The following TEX26 variants were observed in gnomAD, a reference collection of about 807,000 sequenced individuals.
TEX26 encodes the protein testis-expressed protein 26.
In TEX26, 34 loss-of-function variants were observed where a neutral mutation model predicts 35.3. That is an observed-to-expected ratio of 0.96 (90% CI 0.73 to 1.28). TEX26 has a LOEUF of 1.28. Ranked by LOEUF, TEX26 falls within the 50% of genes most tolerant of loss-of-function variation. TEX26 has a pLI of 0.00. For synonymous variants in TEX26, 136 were observed against 111.8 expected (o/e 1.22, Z -1.36); for missense variants, 371 against 330.1 (o/e 1.12, Z -0.96).
chr13:30,940,551 T>G (rs1290054722), intron 2 of TEX26, among the ~76,000 whole-genome samples: 1 of 151,876 alleles, frequency 6.6e-6, no homozygotes, highest in Non-Finnish European at 1.5e-5. Flanking sequence ...GCCAGGACGG[T>G]CTTGATCTCC....
At chr13:30,941,935 A>G (rs1333224025) in intron 2 of TEX26, among the ~76,000 whole-genome samples, 1 of 152,118 alleles carries the variant, frequency 6.6e-6, no homozygotes, top group African/African-American at 2.4e-5. Flanking sequence ...GGTTGGTTTT[A>G]TATCTTTAAA....
At chr13:30,946,502 A>G (rs544739003) in intron 2 of TEX26, among the ~76,000 whole-genome samples, 1 of 151,864 alleles carries the variant, frequency 6.6e-6, no homozygotes. Flanking sequence ...TCTTTTGGGG[A>G]TGTTATAGAA....
At chr13:30,973,578 A>C (rs1228090641) in intron 6 of TEX26, 2 of 152,230 alleles carry the variant, frequency 1.3e-5, no homozygotes, top group Non-Finnish European at 2.9e-5. Flanking sequence ...GGATGCTTCA[A>C]AATTAAACAT....
intron 4 of TEX26, among the ~76,000 whole-genome samples, chr13:30,964,008 C>A (rs182680870): frequency 6.6e-6 from 1 of 152,280 alleles, no homozygotes; most frequent in East Asian, 1.9e-4. Flanking sequence ...CCTGCATGCC[C>A]CACCCTTCTG....
chr13:30,949,687 T>G (rs1479300664), intron 2 of TEX26, among the ~76,000 whole-genome samples: 1 of 152,028 alleles, frequency 6.6e-6, no homozygotes, highest in East Asian at 1.9e-4. Context: ...TGTAGCTAAA[T>G]GTATAAGTTG....
intron 4 of TEX26, among the ~76,000 whole-genome samples, chr13:30,958,961 C>G (rs966702114): frequency 6.6e-6 from 1 of 152,118 alleles, no homozygotes; most frequent in African/African-American, 2.4e-5. Context: ...GAAGTTATTA[C>G]CGCCAATCAA....
At chr13:30,960,239 T>C (rs1954284723) in intron 4 of TEX26, among the ~76,000 whole-genome samples, 2 of 152,188 alleles carry the variant, frequency 1.3e-5, no homozygotes, top group South Asian at 4.1e-4. Flanking sequence ...CTATACCTTT[T>C]TTGTTTTGTC....
chr13:30,932,857 C>G (rs1953124223), intron 1 of TEX26, 81 bp downstream of exon 1: 2 of 1,493,628 alleles, frequency 1.3e-6, no homozygotes, highest in African/African-American at 1.4e-5. Context: ...AAAAAGGGGC[C>G]TTAGTATTTA....
intron 2 of TEX26, among the ~76,000 whole-genome samples, chr13:30,944,626 T>C (rs1012753057): frequency 7.2e-5 from 11 of 152,066 alleles, no homozygotes; most frequent in Non-Finnish European, 8.8e-5. Flanking sequence ...ATCCCAGAAG[T>C]TTTGATAACT....
rs925606558 is a variant in TEX26, at chr13:30,969,011, A to G, written c.773A>G (p.Gln258Arg). ...CTTTTAAACTCATTTACTTCCTCTCAAGTCAAAGAGTACCTTCAGAGTCTT... is the reference window on the plus strand; with the variant it reads ...CTTTTAAACTCATTTACTTCCTCTCGAGTCAAAGAGTACCTTCAGAGTCTT... The part of the protein sequence containing the change: ...LMLLNSFTSS[Q>R]VKEYLQSLSY... The change falls in exon 6 of 7, where the codon CAA (glutamine) becomes CGA (arginine). Residue 258 changes from glutamine (Q) to arginine (R), a missense_variant. Coordinates refer to ENST00000380473, the MANE Select transcript of TEX26 (RefSeq NM_152325.3). 6.2e-7 allele frequency: 1 copy of G among 1,613,936 alleles called. No individual in the cohort carries two copies. Among genetic ancestry groups the G allele is most frequent in the Non-Finnish European group, 8.5e-7 (1 of 1,179,972 alleles).
At chr13:30,948,992 T>C (rs959158636) in intron 2 of TEX26, among the ~76,000 whole-genome samples, 1 of 152,214 alleles carries the variant, frequency 6.6e-6, no homozygotes, top group African/African-American at 2.4e-5. Flanking sequence ...ATTTATTAAA[T>C]AGGGAATCCT....
intron 1 of TEX26, 144 bp from the exon 2 acceptor site, chr13:30,939,550 T>C (rs1953398859): frequency 3.3e-6 from 2 of 614,826 alleles, no homozygotes; most frequent in Non-Finnish European, 5.7e-6. Flanking sequence ...TTAGAGGCTG[T>C]ATTTTGGCCT....
At chr13:30,936,965 C>T in intron 1 of TEX26, 1 of 985,218 alleles carries the variant, frequency 1.0e-6, no homozygotes, top group African/African-American at 1.7e-5. Flanking sequence ...GAAGCTTTGT[C>T]AATGGAGGTA....
intron 6 of TEX26, among the ~76,000 whole-genome samples, chr13:30,972,780 G>A (rs1954757159): frequency 6.6e-6 from 1 of 152,172 alleles, no homozygotes; most frequent in South Asian, 2.1e-4. Flanking sequence ...GATTACAGGT[G>A]TGCACCACCA....
Position 30,933,020 on chromosome 13 carries a change from A to C in TEX26, c.61+244A>C, listed in dbSNP as rs150450299. On this transcript the variant is annotated intron_variant, in intron 1 of 6. Coordinates refer to ENST00000380473, the MANE Select transcript of TEX26 (RefSeq NM_152325.3). Reference sequence around the variant, plus strand: ...CCTAAAACGCGCAGGGTTTTTAAACACTCGAGGAAGTGCCTGGCTAAGAGG... The same window carrying C: ...CCTAAAACGCGCAGGGTTTTTAAACCCTCGAGGAAGTGCCTGGCTAAGAGG... The C allele has an allele frequency of 1.1e-3, 471 of 434,874 alleles. 2 individuals are homozygous for C. The highest frequency in any genetic ancestry group is 8.5e-3 in the African/African-American group (435 of 50,986). 26.9% of individuals were successfully genotyped at this position (434,874 alleles called of 1,614,324 possible). A position where few individuals can be genotyped will look rare whatever the true frequency, so the allele number is the denominator to read the frequency against.
intron 2 of TEX26, among the ~76,000 whole-genome samples, chr13:30,948,788 T>C (rs1313405913): frequency 6.6e-6 from 1 of 152,226 alleles, no homozygotes; most frequent in African/African-American, 2.4e-5. Context: ...CCATTGCTTT[T>C]GGTGTTTTAG....
At chr13:30,954,319 CAT>C (rs922271130) in intron 3 of TEX26, among the ~76,000 whole-genome samples, 2 of 121,346 alleles carry the variant, frequency 1.6e-5, no homozygotes, top group African/African-American at 6.0e-5. Flanking sequence ...CACACACACA[CAT>C]ATATGTATGT....
At chr13:30,936,571 C>T (rs1481932803) in intron 1 of TEX26, 1 of 669,522 alleles carries the variant, frequency 1.5e-6, no homozygotes, top group African/African-American at 2.0e-5. Flanking sequence ...ATTGCACCCT[C>T]TTCATGTTCC....
At chr13:30,932,880 C>A in intron 1 of TEX26, 104 bp downstream of exon 1, 3 of 1,310,918 alleles carry the variant, frequency 2.3e-6, no homozygotes, top group African/African-American at 1.5e-5. Flanking sequence ...GGTGTGGCAT[C>A]GCTCTTAGGA....
Sources: allele counts gnomAD v4.1 joint callset (sites outside exome capture counted in the v4.1 genomes callset), GRCh38; gene constraint gnomAD v4.1.1; transcripts MANE v1.5; gene names NCBI Gene and HGNC (gene_info 2026-07-23, HGNC 2026-07-21).